Variants in SHISA6 observed in about 807,000 individuals in gnomAD.
The protein encoded by SHISA6 is shisa family member 6, also known as protein shisa-6.
Under a neutral mutation model 47.9 loss-of-function variants are expected in SHISA6, and 22 were observed. The ratio of observed to expected loss-of-function variants is 0.46; its 90% CI spans 0.33 to 0.66. The LOEUF (loss-of-function observed/expected upper bound fraction) is 0.66, where lower values mean the gene tolerates loss of function less well. Among genes scored for constraint, SHISA6 ranks in the 30% least tolerant of loss-of-function variants. The probability of loss-of-function intolerance (pLI) is 0.02; values close to 1 mark genes in which losing one functional copy is unlikely to be tolerated. For synonymous variants in SHISA6, 388 were observed against 337.8 expected, an observed-to-expected ratio of 1.15 and a Z score of -1.63; for missense variants, 680 against 764.6, an observed-to-expected ratio of 0.89 and a Z score of 1.30.
At chr17:11,368,202 T>A (rs758822576) in intron 2 of SHISA6, among the ~76,000 whole-genome samples, 1 of 152,142 alleles carries the variant, frequency 6.6e-6, no homozygotes, top group African/African-American at 2.4e-5. Context: ...AACATGAAAT[T>A]TCCCAGCATG....
At chr17:11,279,528 C>G (rs1225576303) in intron 2 of SHISA6, among the ~76,000 whole-genome samples, 1 of 152,040 alleles carries the variant, frequency 6.6e-6, no homozygotes, top group Middle Eastern at 3.2e-3. Flanking sequence ...GCCCTGTGGT[C>G]CATGTGAGCC....
intron 3 of SHISA6, among the ~76,000 whole-genome samples, chr17:11,484,088 A>G (rs949012985): frequency 2.6e-5 from 4 of 152,216 alleles, no homozygotes; most frequent in African/African-American, 9.6e-5. Flanking sequence ...TAGGCTGTAA[A>G]GAAAACAACA....
At chr17:11,259,438 G>A (rs939916486) in intron 1 of SHISA6, among the ~76,000 whole-genome samples, 1 of 152,204 alleles carries the variant, frequency 6.6e-6, no homozygotes, top group Admixed American at 6.5e-5. Context: ...CTCAATAAAT[G>A]ATAGTCTTTA....
chr17:11,395,418 A>G (rs1299636976), intron 3 of SHISA6, among the ~76,000 whole-genome samples: 2 of 149,598 alleles, frequency 1.3e-5, no homozygotes, highest in African/African-American at 4.9e-5. Context: ...TGTTAATTTT[A>G]TATTCTGCTA....
At chr17:11,385,226 A>T (rs57319664) in intron 3 of SHISA6, among the ~76,000 whole-genome samples, 9,729 of 152,204 alleles carry the variant, frequency 0.064, 645 homozygotes, top group African/African-American at 0.15. Context: ...ACGGATGTGA[A>T]GGATCAGGCC....
At chr17:11,303,245 G>A (rs11657435) in intron 2 of SHISA6, among the ~76,000 whole-genome samples, 131,286 of 152,066 alleles carry the variant, frequency 0.86, 57,353 homozygotes, top group East Asian at 1. Flanking sequence ...GATTGTGAGT[G>A]TGGTTGTGTG....
chr17:11,460,265 C>G (rs1404270065), intron 3 of SHISA6, among the ~76,000 whole-genome samples: 1 of 152,156 alleles, frequency 6.6e-6, no homozygotes, highest in Non-Finnish European at 1.5e-5. Context: ...GCCTGGCAAC[C>G]AGCTAGGCTA....
At chr17:11,420,827 T>A (rs936840549) in intron 3 of SHISA6, among the ~76,000 whole-genome samples, 1 of 152,212 alleles carries the variant, frequency 6.6e-6, no homozygotes, top group African/African-American at 2.4e-5. Flanking sequence ...TTAGATTACC[T>A]GCCTACACTC....
intron 3 of SHISA6, among the ~76,000 whole-genome samples, chr17:11,409,298 T>TC (rs970447952): frequency 2.6e-5 from 4 of 151,686 alleles, no homozygotes; most frequent in Admixed American, 6.6e-5. Flanking sequence ...TTCCCCACTT[T>TC]CCCCCCCAAA....
chr17:11,260,292 T>A (rs1167970031), intron 1 of SHISA6, among the ~76,000 whole-genome samples: 1 of 152,074 alleles, frequency 6.6e-6, no homozygotes, highest in Non-Finnish European at 1.5e-5. Flanking sequence ...AATTCTTTTG[T>A]TTGATATATC....
intron 2 of SHISA6, among the ~76,000 whole-genome samples, chr17:11,321,493 A>G (rs529069826): frequency 1.3e-5 from 2 of 152,220 alleles, no homozygotes; most frequent in Non-Finnish European, 2.9e-5. Context: ...TAGCTTGTCT[A>G]TGACTTTATT....
In SHISA6 at chr17:11,390,547, C is replaced by T. The variant is rs527806504; in HGVS notation, c.895+11038C>T. 1.4e-4 allele frequency among the ~76,000 whole-genome samples: 22 copies of T among 152,228 alleles called. 1 individual carries two copies. Among genetic ancestry groups the T allele is most frequent in the African/African-American group, 2.4e-4 (10 of 41,548 alleles). ...AATCAGAATCACCATTTTATTATAA[C>T]GAAAACTCCAGGTAATTCATACATG... On this transcript the variant is annotated intron_variant, in intron 3 of 5. Coordinates refer to ENST00000441885, the MANE Select transcript of SHISA6 (RefSeq NM_207386.4).
intron 2 of SHISA6, among the ~76,000 whole-genome samples, chr17:11,377,967 C>A (rs947905919): frequency 6.6e-6 from 1 of 152,148 alleles, no homozygotes; most frequent in Non-Finnish European, 1.5e-5. Flanking sequence ...TAAACATGTG[C>A]TAAGGTGGTT....
At chr17:11,357,230 AGCAGGGAGGTT>A (rs1010547984) in intron 2 of SHISA6, among the ~76,000 whole-genome samples, 4 of 151,604 alleles carry the variant, frequency 2.6e-5, no homozygotes, top group African/African-American at 9.7e-5. Flanking sequence ...AAGAAGAAGA[AGCAGGGAGGTT>A]GCAGGGATTC....
intron 2 of SHISA6, among the ~76,000 whole-genome samples, chr17:11,354,159 A>G (rs1911998169): frequency 6.6e-6 from 1 of 152,012 alleles, no homozygotes; most frequent in Non-Finnish European, 1.5e-5. Context: ...GGGCAAAATC[A>G]CTCCCAGTAT....
chr17:11,353,312 C>T lies in SHISA6; in HGVS notation c.800-26102C>T, dbSNP rs144676233. ...TCTCTACTAAAAATTCAAAAATTAGCTGGGTGTGGTGGTGCGCACATGTAG... is the reference window on the plus strand; with the variant it reads ...TCTCTACTAAAAATTCAAAAATTAGTTGGGTGTGGTGGTGCGCACATGTAG... On this transcript the variant is annotated intron_variant, in intron 2 of 5. Transcript: ENST00000441885. Among the ~76,000 whole-genome samples, 180 of 152,132 alleles carry T rather than the reference C, an allele frequency of 1.2e-3. 1 individual carries two copies. Among genetic ancestry groups the T allele is most frequent in the African/African-American group, 4.0e-3 (168 of 41,516 alleles).
chr17:11,332,243 G>GAA (rs145476135), intron 2 of SHISA6, among the ~76,000 whole-genome samples: 7,346 of 149,618 alleles, frequency 0.049, 260 homozygotes, highest in African/African-American at 0.1. Context: ...CAGCGTTGGG[G>GAA]AAAAAAAAAA....
At chr17:11,368,981 A>G (rs1229647373) in intron 2 of SHISA6, among the ~76,000 whole-genome samples, 1 of 152,176 alleles carries the variant, frequency 6.6e-6, no homozygotes, top group Non-Finnish European at 1.5e-5. Flanking sequence ...TTTAGTCTTC[A>G]TCCCTTCCTC....
At chr17:11,260,593 T>A (rs540030944) in intron 1 of SHISA6, among the ~76,000 whole-genome samples, 2 of 152,110 alleles carry the variant, frequency 1.3e-5, no homozygotes, top group South Asian at 4.2e-4. Context: ...TGGCTTACTC[T>A]CCCTCTTGCT....
Sources: gnomAD v4.1 joint callset for allele counts (sites outside exome capture counted in the v4.1 genomes callset) on GRCh38, gnomAD v4.1.1 for gene constraint, MANE v1.5 for transcripts, NCBI Gene and HGNC (gene_info 2026-07-23, HGNC 2026-07-21) for gene names.